UBA6: variants seen among roughly 807,000 people sequenced by gnomAD.
UBA6 encodes ubiquitin like modifier activating enzyme 6.
UBA6 carries 87 observed loss-of-function variants against 148.3 expected under a neutral mutation model. That is an observed-to-expected ratio of 0.59 (90% confidence interval 0.49 to 0.70). The LOEUF (loss-of-function observed/expected upper bound fraction) is 0.70. Among genes scored for constraint, UBA6 ranks in the 30% least tolerant of loss-of-function variants. The pLI, the probability that UBA6 is intolerant of heterozygous loss-of-function variation, is 0.00. For missense variants in UBA6, 1,186 were observed against 1,241.2 expected, an observed-to-expected ratio of 0.96 and a Z score of 0.67; for synonymous variants, 376 against 401.0, an observed-to-expected ratio of 0.94 and a Z score of 0.75.
At chr4:67,645,435 T>A (rs956710148) in intron 16 of UBA6, among the ~76,000 whole-genome samples, 2 of 151,976 alleles carry the variant, frequency 1.3e-5, no homozygotes, top group Non-Finnish European at 2.9e-5. Flanking sequence ...TCCGTCTCTA[T>A]TGAAAATACA....
At chr4:67,635,592 A>C in intron 19 of UBA6, 34 bp from the exon 20 acceptor site, 1 of 1,338,820 alleles carries the variant, frequency 7.5e-7, no homozygotes, top group Non-Finnish European at 1.1e-6. Context: ...AAAACAAAAA[A>C]GTGAGCAATA....
chr4:67,633,521 A>T, intron 22 of UBA6, 48 bp from the exon 23 acceptor site: 1 of 1,517,868 alleles, frequency 6.6e-7, no homozygotes, highest in South Asian at 1.3e-5. Context: ...AATTACAAAC[A>T]TATACACATC....
In UBA6 at chr4:67,619,147, C is replaced by T. The variant is rs1278816853; in HGVS notation, c.3024-15G>A. On this transcript the variant is annotated splice_polypyrimidine_tract_variant and intron_variant, in intron 32 of 32. Transcript: ENST00000322244. ...GTTTATGCATTCTAAGAAAAATAAG[C>T]AAGAATGAATACTTTGGTAAATTCT... 2 of 1,575,502 alleles carry T rather than the reference C, an allele frequency of 1.3e-6. No individual in the cohort carries two copies. Among genetic ancestry groups the T allele is most frequent in the East Asian group, 2.2e-5 (1 of 44,516 alleles).
At position 67,701,093 on chromosome 4, in the gene UBA6, G is replaced by C; in HGVS notation, c.27C>G (p.Ala9=). The C allele has an allele frequency of 3.1e-6, 5 of 1,613,686 alleles. 1 individual carries two copies. In the South Asian group the frequency reaches 5.5e-5, roughly 18 times the overall value. Residue 9 remains alanine, a synonymous_variant, in exon 1 of 33, where the codon GCC becomes GCG. Coordinates refer to ENST00000322244, the MANE Select transcript of UBA6 (RefSeq NM_018227.6). MEGSEPVA[A]HQGEEASCSS... ...AACAGGACGCCTCTTCCCCCTGATG[G>C]GCGGCCACAGGCTCGGATCCTTCCA...
In UBA6 at chr4:67,619,095, A is replaced by G; in HGVS notation, c.3061T>C (p.Tyr1021His). 1 of 1,611,106 alleles carries G rather than the reference A, an allele frequency of 6.2e-7. No homozygotes were observed. The highest frequency in any genetic ancestry group is 8.5e-7 in the Non-Finnish European group (1 of 1,177,418). Residue 1021 changes from tyrosine (Y) to histidine (H), a missense_variant, in exon 33 of 33, where the codon TAT becomes CAT. By Grantham distance (83) the Tyr-to-His change is moderately conservative (BLOSUM62 2). Transcript: ENST00000322244. ...KLVKPTTEKK[Y>H]VDLTVSFAPD... is the part of the protein sequence containing the mutation. ...GCAAATGACACAGTAAGATCCACAT[A>G]TTTCTTTTCAGTAGTAGGTTTTACA...
At chr4:67,686,952 TAAAAAAAAAA>T (rs546442640) in intron 2 of UBA6, among the ~76,000 whole-genome samples, 6 of 57,188 alleles carry the variant, frequency 1.0e-4, no homozygotes, top group Admixed American at 5.1e-4. Context: ...ATCCTGTCTC[TAAAAAAAAAA>T]AAAAAAAAAA....
intron 10 of UBA6, 79 bp from the exon 11 acceptor site, chr4:67,664,026 C>T (rs757299484): frequency 8.7e-7 from 1 of 1,154,700 alleles, no homozygotes; most frequent in Non-Finnish European, 1.3e-6. Flanking sequence ...TGTCAGTGCG[C>T]TAAAAACTAG....
intron 13 of UBA6, among the ~76,000 whole-genome samples, chr4:67,650,865 G>A (rs1053302974): frequency 6.6e-6 from 1 of 152,032 alleles, no homozygotes; most frequent in Non-Finnish European, 1.5e-5. Flanking sequence ...AAACAAAAGA[G>A]GGGAGACATT....
chr4:67,642,590 A>G (rs1270879266), intron 17 of UBA6, among the ~76,000 whole-genome samples: 1 of 152,104 alleles, frequency 6.6e-6, no homozygotes, highest in South Asian at 2.1e-4. Context: ...TTTGTCAGCT[A>G]TCTTTACTTT....
At chr4:67,699,686 G>A (rs190260676) in intron 1 of UBA6, among the ~76,000 whole-genome samples, 1 of 151,852 alleles carries the variant, frequency 6.6e-6, no homozygotes, top group African/African-American at 2.4e-5. Flanking sequence ...CTGCAGCCTC[G>A]ATCTCTCTAG....
intron 2 of UBA6, among the ~76,000 whole-genome samples, chr4:67,682,913 G>A (rs1407569883): frequency 1.3e-5 from 2 of 152,136 alleles, no homozygotes; most frequent in East Asian, 3.8e-4. Flanking sequence ...TGGGTTATAA[G>A]TATTTACTTT....
chr4:67,692,138 A>C (rs1030861138), intron 2 of UBA6, among the ~76,000 whole-genome samples: 3 of 152,206 alleles, frequency 2.0e-5, no homozygotes, highest in Non-Finnish European at 4.4e-5. Flanking sequence ...GTAGAATTTA[A>C]TGCCAGCAAA....
chr4:67,630,111 T>C (rs915514129), intron 26 of UBA6, among the ~76,000 whole-genome samples: 2 of 152,120 alleles, frequency 1.3e-5, no homozygotes, highest in Admixed American at 6.5e-5. Context: ...AGAAAATCTC[T>C]ACGCAGTATT....
chr4:67,650,344 G>A (rs1185470561), intron 13 of UBA6, among the ~76,000 whole-genome samples: 1 of 152,108 alleles, frequency 6.6e-6, no homozygotes, highest in African/African-American at 2.4e-5. Context: ...AGTAAATGGT[G>A]AAGCCAGGAT....
chr4:67,677,769 C>G (rs1190630781), intron 5 of UBA6, 47 bp from the exon 6 acceptor site: 1 of 985,514 alleles, frequency 1.0e-6, no homozygotes, highest in Non-Finnish European at 1.5e-6. Context: ...TCAATATACT[C>G]AAATCTCTTC....
Position 67,630,464 on chromosome 4 carries a change from A to G in UBA6, c.2328+2T>C. 1 of 1,581,488 alleles carries G rather than the reference A, an allele frequency of 6.3e-7. No homozygotes were observed. Among genetic ancestry groups the G allele is most frequent in the Non-Finnish European group, 8.6e-7 (1 of 1,161,802 alleles). On this transcript the variant is annotated splice_donor_variant, in intron 26 of 32. Transcript: ENST00000322244. LOFTEE classifies it high-confidence loss of function. ...CTTGCTAAGGCTTAAAGAATATCTT[A>G]CCTCTTCTGCAAATGGAATACAATA... is the stretch of plus-strand genomic sequence containing the variant.
At chr4:67,696,890 C>T (rs1190692086) in intron 1 of UBA6, among the ~76,000 whole-genome samples, 183 bp from the exon 2 acceptor site, 1 of 152,134 alleles carries the variant, frequency 6.6e-6, no homozygotes, top group African/African-American at 2.4e-5. Flanking sequence ...TTGTTCTATC[C>T]TGTGTAAATT....
At chr4:67,626,538 A>G in intron 27 of UBA6, 61 bp from the exon 28 acceptor site, 1 of 1,037,562 alleles carries the variant, frequency 9.6e-7, no homozygotes, top group Middle Eastern at 2.9e-4. Context: ...TTTGGTTACC[A>G]TTTAACTGTT....
chr4:67,674,484 A>G (rs1034707098), intron 6 of UBA6, among the ~76,000 whole-genome samples: 1 of 152,202 alleles, frequency 6.6e-6, no homozygotes, highest in Non-Finnish European at 1.5e-5. Context: ...AACCTACTGC[A>G]TGTGCATTCA....
Sources: allele counts gnomAD v4.1 joint callset (sites outside exome capture counted in the v4.1 genomes callset), GRCh38; gene constraint gnomAD v4.1.1; transcripts MANE v1.5; gene names NCBI Gene and HGNC (gene_info 2026-07-23, HGNC 2026-07-21).